CADPS2: variants seen among roughly 807,000 people sequenced by gnomAD.
CADPS2 encodes the protein calcium dependent secretion activator 2.
CADPS2 carries 93 observed loss-of-function variants against 172.5 expected under a neutral mutation model. The ratio of observed to expected loss-of-function variants is 0.54; its 90% CI spans 0.46 to 0.64. The LOEUF (loss-of-function observed/expected upper bound fraction) is 0.64. CADPS2 is among the 30% of genes least tolerant of loss of function. The pLI, the probability that CADPS2 is intolerant of heterozygous loss-of-function variation, is 0.00. For missense variants in CADPS2, 1,420 were observed against 1,565.9 expected (o/e 0.91, Z 1.57); for synonymous variants, 546 against 555.2 (o/e 0.98, Z 0.23).
chr7:122,566,463 CT>C lies in CADPS2; in HGVS notation c.1336-11775del, dbSNP rs369635789. Among the ~76,000 whole-genome samples, 421 of 152,258 alleles carry C rather than the reference CT, an allele frequency of 2.8e-3. 6 individuals carry two copies. The highest frequency in any genetic ancestry group is 9.4e-3 in the African/African-American group (389 of 41,560). On this transcript the variant is annotated intron_variant, in intron 7 of 29. Transcript: ENST00000449022. ...TCTGTATATAGAAGAGATATCTGCACTCCAATGTTCATTGCAGCTTTATTGA... is the reference window on the plus strand; with the variant it reads ...TCTGTATATAGAAGAGATATCTGCACCCAATGTTCATTGCAGCTTTATTGA...
intron 8 of CADPS2, among the ~76,000 whole-genome samples, chr7:122,551,613 A>G (rs575880327): frequency 2.0e-5 from 3 of 152,110 alleles, no homozygotes; most frequent in Non-Finnish European, 4.4e-5. Context: ...TTCAAAGTCT[A>G]AAGTGCTCTG....
At chr7:122,809,517 T>G (rs1023553822) in intron 1 of CADPS2, among the ~76,000 whole-genome samples, 8 of 151,482 alleles carry the variant, frequency 5.3e-5, no homozygotes, top group Admixed American at 4.0e-4. Flanking sequence ...GAAGCAGACG[T>G]TGCAGTGCGC....
chr7:122,648,898 G>A (rs2078844591), intron 3 of CADPS2, among the ~76,000 whole-genome samples: 1 of 152,122 alleles, frequency 6.6e-6, no homozygotes, highest in African/African-American at 2.4e-5. Flanking sequence ...AATGCGTAGT[G>A]CTTGGAGAGA....
chr7:122,601,737 C>T (rs982169906), intron 6 of CADPS2, among the ~76,000 whole-genome samples: 1 of 151,974 alleles, frequency 6.6e-6, no homozygotes, highest in East Asian at 1.9e-4. Flanking sequence ...CCCAGGAAAA[C>T]AAAACAAAAC....
At chr7:122,874,762 A>T (rs950204055) in intron 1 of CADPS2, among the ~76,000 whole-genome samples, 1 of 152,220 alleles carries the variant, frequency 6.6e-6, no homozygotes, top group African/African-American at 2.4e-5. Flanking sequence ...GACAAACCTG[A>T]CAAAAACAAG....
intron 2 of CADPS2, among the ~76,000 whole-genome samples, chr7:122,685,128 A>G (rs2083475473): frequency 6.6e-6 from 1 of 152,150 alleles, no homozygotes; most frequent in African/African-American, 2.4e-5. Flanking sequence ...GATTCCCAGG[A>G]TTGTGAGCGA....
chr7:122,612,753 A>T (rs777441308), intron 6 of CADPS2, among the ~76,000 whole-genome samples: 4 of 152,104 alleles, frequency 2.6e-5, no homozygotes, highest in Non-Finnish European at 5.9e-5. Context: ...CAAAAGCAAC[A>T]TAGGTGAAGG....
At chr7:122,416,367 G>A (rs1392091957) in intron 17 of CADPS2, among the ~76,000 whole-genome samples, 1 of 151,114 alleles carries the variant, frequency 6.6e-6, no homozygotes, top group Non-Finnish European at 1.5e-5. Context: ...GGAACTGCAA[G>A]TGCTTTGCCA....
intron 17 of CADPS2, among the ~76,000 whole-genome samples, chr7:122,432,998 G>A (rs868636958): frequency 2.6e-5 from 4 of 152,036 alleles, no homozygotes; most frequent in African/African-American, 9.7e-5. Flanking sequence ...TTTGGAGACA[G>A]GGTCTCCTTC....
At chr7:122,858,614 C>T (rs183004656) in intron 1 of CADPS2, among the ~76,000 whole-genome samples, 37 of 152,318 alleles carry the variant, frequency 2.4e-4, no homozygotes, top group Non-Finnish European at 3.8e-4. Context: ...TGTGTTTCAT[C>T]GCTTGCTTTT....
intron 7 of CADPS2, among the ~76,000 whole-genome samples, chr7:122,558,965 C>A (rs757080862): frequency 1.6e-4 from 25 of 152,230 alleles, no homozygotes; most frequent in Middle Eastern, 6.8e-3. Flanking sequence ...AGGGGCTAGA[C>A]AGACAATTCA....
Position 122,545,818 on chromosome 7 carries a change from G to A in CADPS2, c.1475+8732C>T, listed in dbSNP as rs570779286. Among the ~76,000 whole-genome samples the A allele has an allele frequency of 3.3e-5, 5 of 152,230 alleles. No individual in the cohort carries two copies. The South Asian group carries it at 6.2e-4, about 19-fold the overall frequency. On this transcript the variant is annotated intron_variant, in intron 8 of 29. Coordinates refer to ENST00000449022, the MANE Select transcript of CADPS2 (RefSeq NM_017954.11). ...AGATGAGGCTGCCAGTTTCACAAAG[G>A]TGGAAATAGGTGGTATTCAACTTTT...
intron 25 of CADPS2, chr7:122,366,716 T>TAC (rs1297311647): frequency 6.7e-6 from 1 of 149,210 alleles, no homozygotes; most frequent in Non-Finnish European, 1.5e-5. Flanking sequence ...CATATATATA[T>TAC]ACACACATAT....
chr7:122,857,270 CTTTTT>C (rs1584963952), intron 1 of CADPS2, among the ~76,000 whole-genome samples: 1 of 152,116 alleles, frequency 6.6e-6, no homozygotes. Context: ...CCCTCTATTT[CTTTTT>C]TATGTTTCTG....
chr7:122,501,533 C>T (rs567132146), intron 9 of CADPS2, among the ~76,000 whole-genome samples: 1 of 152,048 alleles, frequency 6.6e-6, no homozygotes, highest in Admixed American at 6.5e-5. Context: ...AGGGAAGTAA[C>T]TTTCCAAGGT....
intron 2 of CADPS2, among the ~76,000 whole-genome samples, chr7:122,707,880 T>C (rs2087852799): frequency 6.6e-6 from 1 of 151,690 alleles, no homozygotes; most frequent in Non-Finnish European, 1.5e-5. Flanking sequence ...ACTTCATAGT[T>C]TCATGTAACA....
intron 28 of CADPS2, among the ~76,000 whole-genome samples, chr7:122,342,866 T>C (rs905944661): frequency 6.6e-6 from 1 of 152,184 alleles, no homozygotes; most frequent in African/African-American, 2.4e-5. Flanking sequence ...TTCTCTTCAA[T>C]CTTTTATCTG....
intron 2 of CADPS2, among the ~76,000 whole-genome samples, chr7:122,695,283 C>G (rs1437184257): frequency 6.6e-6 from 1 of 152,120 alleles, no homozygotes; most frequent in Non-Finnish European, 1.5e-5. Context: ...AATAAAAAAG[C>G]AAGCTTAATT....
intron 2 of CADPS2, chr7:122,681,177 T>C: frequency 3.5e-6 from 2 of 573,604 alleles, no homozygotes. Flanking sequence ...TACCTAATGC[T>C]AGATGACAAG....
Sources: allele counts gnomAD v4.1 joint callset (sites outside exome capture counted in the v4.1 genomes callset), GRCh38; gene constraint gnomAD v4.1.1; transcripts MANE v1.5; gene names NCBI Gene and HGNC (gene_info 2026-07-23, HGNC 2026-07-21).